LDLRAD4: variants seen among roughly 807,000 people sequenced by gnomAD.
The protein encoded by LDLRAD4 is low-density lipoprotein receptor class A domain-containing protein 4.
Under a neutral mutation model 17.0 loss-of-function variants are expected in LDLRAD4, and 5 were observed. That is an observed-to-expected ratio of 0.29 (90% CI 0.15 to 0.62). LDLRAD4 has a LOEUF of 0.62. LDLRAD4 is among the 20% of genes least tolerant of loss of function. The pLI is 0.84. For missense variants in LDLRAD4, 340 were observed against 424.7 expected, an observed-to-expected ratio of 0.80 and a Z score of 1.75; for synonymous variants, 168 against 171.8, an observed-to-expected ratio of 0.98 and a Z score of 0.17.
chr18:13,642,931 T>C (rs954397781), intron 4 of LDLRAD4, among the ~76,000 whole-genome samples: 6 of 139,784 alleles, frequency 4.3e-5, no homozygotes, highest in African/African-American at 6.2e-5. Context: ...ATTTTTTGTT[T>C]TTTTTTTTTC....
intron 3 of LDLRAD4, among the ~76,000 whole-genome samples, chr18:13,570,859 C>G (rs898303235): frequency 2.0e-5 from 3 of 152,162 alleles, no homozygotes; most frequent in African/African-American, 7.2e-5. Context: ...CACTCTGTCA[C>G]CCAGCCTGGA....
intron 3 of LDLRAD4, among the ~76,000 whole-genome samples, chr18:13,562,565 G>A (rs1243338566): frequency 6.6e-6 from 1 of 152,094 alleles, no homozygotes; most frequent in Non-Finnish European, 1.5e-5. Context: ...CACCACCCAC[G>A]CGGTCCGTCA....
At chr18:13,479,897 G>T (rs2093040750) in intron 3 of LDLRAD4, among the ~76,000 whole-genome samples, 1 of 152,214 alleles carries the variant, frequency 6.6e-6, no homozygotes, top group African/African-American at 2.4e-5. Context: ...ATACCTCTTA[G>T]AATGGCCCCA....
intron 2 of LDLRAD4, among the ~76,000 whole-genome samples, chr18:13,433,939 C>T (rs139881052): frequency 1.8e-4 from 27 of 152,252 alleles, no homozygotes; most frequent in African/African-American, 4.8e-4. Context: ...CCTCTCGATC[C>T]GATGGAAATC....
At chr18:13,506,229 T>C (rs2093691049) in intron 3 of LDLRAD4, among the ~76,000 whole-genome samples, 2 of 151,590 alleles carry the variant, frequency 1.3e-5, no homozygotes, top group Non-Finnish European at 2.9e-5. Context: ...TTTTTTTTTT[T>C]TATTATTATA....
At chr18:13,277,765 C>T (rs1490048114), upstream of LDLRAD4, among the ~76,000 whole-genome samples, 1 of 152,134 alleles carries the variant, frequency 6.6e-6, no homozygotes, top group Admixed American at 6.5e-5. Context: ...GAAGACCAGT[C>T]CAACAGGGAT....
At chr18:13,650,979 T>A (rs977279283) in exon 6 of LDLRAD4, 1 of 152,254 alleles carries the variant, frequency 6.6e-6, no homozygotes, top group African/African-American at 2.4e-5. Context: ...AAATACTTTT[T>A]AAAAAATCCC....
At chr18:13,348,322 T>A (rs1020454644) in intron 1 of LDLRAD4, among the ~76,000 whole-genome samples, 3 of 152,136 alleles carry the variant, frequency 2.0e-5, no homozygotes, top group Admixed American at 6.5e-5. Context: ...TCTTTTGGAG[T>A]TTGCTGGAGG....
chr18:13,630,642 A>T (rs549134126), intron 4 of LDLRAD4, among the ~76,000 whole-genome samples: 16 of 152,318 alleles, frequency 1.1e-4, no homozygotes, highest in Non-Finnish European at 1.5e-4. Flanking sequence ...CGAGGTGCCT[A>T]GAGAGGAATA....
At chr18:13,308,761 C>T (rs1247587034) in intron 1 of LDLRAD4, among the ~76,000 whole-genome samples, 1 of 152,226 alleles carries the variant, frequency 6.6e-6, no homozygotes, top group African/African-American at 2.4e-5. Flanking sequence ...AAGCAGACTT[C>T]CCTAATGCGT....
At chr18:13,356,089 G>A (rs1294416319) in intron 1 of LDLRAD4, among the ~76,000 whole-genome samples, 1 of 152,260 alleles carries the variant, frequency 6.6e-6, no homozygotes, top group Non-Finnish European at 1.5e-5. Context: ...CCAGGGTCGT[G>A]CTTCAGCACA....
At chr18:13,450,924 G>A (rs1259321119) in intron 3 of LDLRAD4, among the ~76,000 whole-genome samples, 2 of 152,188 alleles carry the variant, frequency 1.3e-5, no homozygotes. Flanking sequence ...AGAAAGGTAG[G>A]TGGGGTCAGA....
At chr18:13,245,697 G>C (rs1276061044) in intron 1 of LDLRAD4, among the ~76,000 whole-genome samples, 1 of 152,174 alleles carries the variant, frequency 6.6e-6, no homozygotes, top group East Asian at 1.9e-4. Context: ...CTGCTTCAAG[G>C]GGGCAGAGGC....
intron 1 of LDLRAD4, among the ~76,000 whole-genome samples, chr18:13,381,969 C>T (rs2085403242): frequency 6.6e-6 from 1 of 152,194 alleles, no homozygotes; most frequent in African/African-American, 2.4e-5. Context: ...CCTGGAACTT[C>T]TCTGGTGGGT....
intron 3 of LDLRAD4, chr18:13,612,974 C>T: frequency 1.8e-6 from 1 of 566,216 alleles, no homozygotes; most frequent in East Asian, 3.0e-5. Flanking sequence ...CAGGCTTTTT[C>T]ATCTTCTTTC....
At chr18:13,427,881 T>A (rs35406552) in intron 2 of LDLRAD4, among the ~76,000 whole-genome samples, 62,960 of 151,848 alleles carry the variant, frequency 0.41, 14,088 homozygotes, top group Non-Finnish European at 0.5. Flanking sequence ...GTGAGGATAT[T>A]TACTCAGCTA....
At chr18:13,494,748 A>G (rs2093431480) in intron 3 of LDLRAD4, among the ~76,000 whole-genome samples, 3 of 127,314 alleles carry the variant, frequency 2.4e-5, no homozygotes, top group African/African-American at 8.6e-5. Context: ...ACACAGTGGG[A>G]ATTAAGGAAG....
intron 1 of LDLRAD4, among the ~76,000 whole-genome samples, chr18:13,307,333 G>A (rs758779245): frequency 8.6e-5 from 13 of 152,024 alleles, no homozygotes; most frequent in Non-Finnish European, 1.5e-4. Context: ...TGAAGATAAC[G>A]AGAATGAAGA....
intron 1 of LDLRAD4, among the ~76,000 whole-genome samples, chr18:13,345,854 G>T (rs1198840252): frequency 1.3e-5 from 2 of 152,176 alleles, no homozygotes; most frequent in Non-Finnish European, 2.9e-5. Flanking sequence ...AGATTTTCTA[G>T]TTTATTTGCA....
Sources: gnomAD v4.1 joint callset for allele counts (sites outside exome capture counted in the v4.1 genomes callset) on GRCh38, gnomAD v4.1.1 for gene constraint, MANE v1.5 for transcripts, NCBI Gene and HGNC (gene_info 2026-07-23, HGNC 2026-07-21) for gene names.